The following ITSN1 variants were observed in gnomAD, a reference collection of about 807,000 sequenced individuals.
ITSN1 encodes intersectin 1, also known as intersectin-1.
In ITSN1, 58 loss-of-function variants were observed where a neutral mutation model predicts 239.8. The ratio of observed to expected loss-of-function variants is 0.24; its 90% CI spans 0.20 to 0.30. The LOEUF (loss-of-function observed/expected upper bound fraction) is 0.30. Among genes scored for constraint, ITSN1 ranks in the 10% least tolerant of loss-of-function variants. ITSN1 has a pLI of 1.00. For synonymous variants in ITSN1, 780 were observed against 770.8 expected, an observed-to-expected ratio of 1.01 and a Z score of -0.20; for missense variants, 1,558 against 2,103.3, an observed-to-expected ratio of 0.74 and a Z score of 5.07.
chr21:33,864,979 T>C (rs1007350810), intron 31 of ITSN1, among the ~76,000 whole-genome samples, 172 bp from the exon 32 acceptor site: 1 of 152,206 alleles, frequency 6.6e-6, no homozygotes, highest in African/African-American at 2.4e-5. Flanking sequence ...GTGCTACCTC[T>C]CTGTAGCCCT....
chr21:33,870,567 A>G lies in ITSN1; in HGVS notation c.4173+3236A>G, dbSNP rs1465093564. 2.0e-5 allele frequency among the ~76,000 whole-genome samples: 3 copies of G among 152,246 alleles called. No homozygotes were observed. The East Asian group carries it at 5.8e-4, about 29-fold the overall frequency. ...ATGATACTGATGTGGAGAAATTCTTAGCATGGTCTCAAAGACATGCTAATC... is the reference window on the plus strand; with the variant it reads ...ATGATACTGATGTGGAGAAATTCTTGGCATGGTCTCAAAGACATGCTAATC... On this transcript the variant is annotated intron_variant, in intron 33 of 39. Coordinates refer to ENST00000381318, the MANE Select transcript of ITSN1 (RefSeq NM_003024.3).
In ITSN1 at chr21:33,898,113, AC is replaced by A. The variant is rs1206198648; in HGVS notation, c.*9814del. The A allele has an allele frequency of 6.6e-6, 1 of 152,256 alleles. No individual in the cohort carries two copies. Among genetic ancestry groups the A allele is most frequent in the Non-Finnish European group, 1.5e-5 (1 of 68,050 alleles). The allele number at this position is 152,256 out of a possible 1,614,324, so 9.4% of individuals were successfully genotyped here. ...CTGTTTTTCATCAGATCCATGTGCCACGCAGGCTTCCTTGGGTTCTAGTGGA... is the reference window on the plus strand; with the variant it reads ...CTGTTTTTCATCAGATCCATGTGCCAGCAGGCTTCCTTGGGTTCTAGTGGA... On this transcript the variant is annotated 3_prime_UTR_variant, in exon 40 of 40. Transcript: ENST00000381318.
In ITSN1 at chr21:33,888,710, GTCC is replaced by G; in HGVS notation, c.*411_*413del. The G allele has an allele frequency of 6.5e-6, 1 of 154,766 alleles. No homozygotes were observed. The highest frequency in any genetic ancestry group is 1.4e-5 in the Non-Finnish European group (1 of 69,776). 9.6% of individuals were successfully genotyped at this position (154,766 alleles called of 1,614,324 possible). ...ACCCTCCTGTTTCTTACATCCACCA[GTCC>G]CCAAGTAGACTTCTTGGCCTACAAT... On this transcript the variant is annotated 3_prime_UTR_variant, in exon 40 of 40. Coordinates refer to ENST00000381318, the MANE Select transcript of ITSN1 (RefSeq NM_003024.3).
At chr21:33,809,048 C>A (rs1456196539) in intron 20 of ITSN1, among the ~76,000 whole-genome samples, 1 of 152,124 alleles carries the variant, frequency 6.6e-6, no homozygotes, top group Non-Finnish European at 1.5e-5. Context: ...AGACATCTAG[C>A]CATTTGAGTT....
intron 1 of ITSN1, among the ~76,000 whole-genome samples, chr21:33,661,850 A>G (rs899894636): frequency 6.6e-6 from 1 of 151,592 alleles, no homozygotes; most frequent in Non-Finnish European, 1.5e-5. Flanking sequence ...TTCCACCATG[A>G]TTATGAGGCC....
intron 16 of ITSN1, among the ~76,000 whole-genome samples, chr21:33,787,209 ATTGAAT>A (rs1327160419): frequency 6.6e-6 from 1 of 152,174 alleles, no homozygotes; most frequent in Non-Finnish European, 1.5e-5. Context: ...ATTTTAGATC[ATTGAAT>A]TTGAGCTTGT....
chr21:33,716,161 C>T (rs1236434538), intron 1 of ITSN1, among the ~76,000 whole-genome samples: 2 of 152,042 alleles, frequency 1.3e-5, no homozygotes, highest in East Asian at 1.9e-4. Context: ...GGGGGCTCCA[C>T]GTATTCCAAA....
At chr21:33,794,309 C>G in intron 16 of ITSN1, 32 bp from the exon 17 acceptor site, 1 of 1,482,304 alleles carries the variant, frequency 6.7e-7, no homozygotes, top group Non-Finnish European at 9.4e-7. Flanking sequence ...TCACTCATGT[C>G]GCTACATGAA....
chr21:33,899,091 G>A lies in ITSN1; in HGVS notation c.*10791G>A, dbSNP rs964920649. ...CCTGACTCTCCTTCCTTAGAACGAT[G>A]CCCTCTGGCTGGGGTGGCAAGAGGG... On this transcript the variant is annotated 3_prime_UTR_variant, in exon 40 of 40. Transcript: ENST00000381318. 2 of 152,262 alleles carry A rather than the reference G, an allele frequency of 1.3e-5. No homozygotes were observed. Among genetic ancestry groups the A allele is most frequent in the Non-Finnish European group, 2.9e-5 (2 of 68,066 alleles). 9.4% of individuals were successfully genotyped at this position (152,262 alleles called of 1,614,324 possible). A position where few individuals can be genotyped will look rare whatever the true frequency, so the allele number is the denominator to read the frequency against.
chr21:33,736,444 GA>G (rs1239107172), intron 5 of ITSN1, among the ~76,000 whole-genome samples: 1 of 151,494 alleles, frequency 6.6e-6, no homozygotes, highest in Non-Finnish European at 1.5e-5. Flanking sequence ...GGTTTTGGAA[GA>G]TTTTTAGGCA....
intron 1 of ITSN1, among the ~76,000 whole-genome samples, chr21:33,709,823 T>G (rs1568992697): frequency 6.6e-6 from 1 of 152,162 alleles, no homozygotes; most frequent in Non-Finnish European, 1.5e-5. Context: ...AAGGAGAGCT[T>G]TATTTTTACT....
chr21:33,856,196 T>C (rs561100808), intron 29 of ITSN1, among the ~76,000 whole-genome samples: 45 of 152,368 alleles, frequency 3.0e-4, no homozygotes, highest in Non-Finnish European at 4.7e-4. Flanking sequence ...CCAATCGTCA[T>C]TGAGTGTTTT....
intron 16 of ITSN1, among the ~76,000 whole-genome samples, chr21:33,783,253 C>G (rs979924581): frequency 6.6e-6 from 1 of 152,108 alleles, no homozygotes; most frequent in African/African-American, 2.4e-5. Context: ...AACTCCTATT[C>G]TATAATTCTA....
At position 33,883,552 on chromosome 21, in the gene ITSN1, T is replaced by C. The variant is rs771504234; in HGVS notation, c.4557T>C (p.Pro1519=). The part of the protein sequence containing the change: ...SNLQYKMYKT[P]IFLNEVLVKL... ...AATGCCTGTGTGTTACTTTCCAGCC[T>C]ATTTTCCTAAATGAGGTTCTAGTAA... is the stretch of plus-strand genomic sequence containing the variant. Residue 1519 remains proline, a splice_region_variant and synonymous_variant, in exon 36 of 40, where the codon CCT becomes CCC. Transcript: ENST00000381318. The C allele has an allele frequency of 1.2e-6, 2 of 1,613,300 alleles. No homozygotes were observed. Among genetic ancestry groups the C allele is most frequent in the Non-Finnish European group, 1.7e-6 (2 of 1,179,404 alleles).
At chr21:33,653,148 C>T (rs572915621) in intron 1 of ITSN1, among the ~76,000 whole-genome samples, 36 of 152,224 alleles carry the variant, frequency 2.4e-4, no homozygotes, top group Non-Finnish European at 5.0e-4. Context: ...GCATGTGCCA[C>T]CATGCCCAGC....
At chr21:33,883,132 T>C (rs1985200052) in intron 35 of ITSN1, among the ~76,000 whole-genome samples, 1 of 152,188 alleles carries the variant, frequency 6.6e-6, no homozygotes, top group Non-Finnish European at 1.5e-5. Context: ...TGGAGGGAAT[T>C]GCTTGATGTA....
chr21:33,818,285 C>T lies in ITSN1; in HGVS notation c.2746C>T (p.Leu916=). Residue 916 remains leucine, a synonymous_variant, in exon 23 of 40, where the codon CTA becomes TTA. Transcript: ENST00000381318. ...ACACAAGGGTGAAAAGGTGGAGGGG[C>T]TACAAGCTCAAGCCCTATATCCTTG... is the stretch of plus-strand genomic sequence containing the variant. ...VLGQGEKVEG[L]QAQALYPWRA... 1 of 1,614,084 alleles carries T rather than the reference C, an allele frequency of 6.2e-7. No homozygotes were observed. The highest frequency in any genetic ancestry group is 1.3e-5 in the African/African-American group (1 of 75,038).
At chr21:33,840,860 T>C (rs911583250) in intron 29 of ITSN1, among the ~76,000 whole-genome samples, 3 of 152,242 alleles carry the variant, frequency 2.0e-5, no homozygotes, top group African/African-American at 7.2e-5. Context: ...TCTGTGTAAA[T>C]ATATTTGCAA....
intron 1 of ITSN1, among the ~76,000 whole-genome samples, chr21:33,698,753 A>C (rs1036466051): frequency 4.6e-5 from 7 of 152,184 alleles, no homozygotes; most frequent in African/African-American, 1.7e-4. Flanking sequence ...CTTTATGTGT[A>C]ATCTTACAGG....
Sources: allele counts gnomAD v4.1 joint callset (sites outside exome capture counted in the v4.1 genomes callset), GRCh38; gene constraint gnomAD v4.1.1; transcripts MANE v1.5; gene names NCBI Gene and HGNC (gene_info 2026-07-23, HGNC 2026-07-21).